The following UBE2V2 variants were observed in gnomAD, a reference collection of about 807,000 sequenced individuals.
The protein encoded by UBE2V2 is ubiquitin-conjugating enzyme E2 variant 2.
UBE2V2 carries 9 observed loss-of-function variants against 17.2 expected under a neutral mutation model. The observed-to-expected ratio is 0.52, with a 90% CI of 0.32 to 0.91. The LOEUF (loss-of-function observed/expected upper bound fraction) is 0.91. Ranked by LOEUF, UBE2V2 falls within the 40% of genes least tolerant of loss-of-function variation. UBE2V2 has a pLI of 0.04. For missense variants in UBE2V2, 133 were observed against 182.6 expected (o/e 0.73, Z 1.56); for synonymous variants, 61 against 57.5 (o/e 1.06, Z -0.28).
At chr8:48,033,432 T>C (rs1159538739) in intron 1 of UBE2V2, among the ~76,000 whole-genome samples, 2 of 151,892 alleles carry the variant, frequency 1.3e-5, no homozygotes, top group Admixed American at 1.3e-4. Context: ...GTAATCCTCC[T>C]GCCTTGGCCT....
intron 1 of UBE2V2, among the ~76,000 whole-genome samples, chr8:48,034,369 C>T (rs2091406296): frequency 6.6e-6 from 1 of 152,176 alleles, no homozygotes; most frequent in Non-Finnish European, 1.5e-5. Context: ...TTGTGATCCC[C>T]CTGCCTTGGC....
intron 2 of UBE2V2, among the ~76,000 whole-genome samples, chr8:48,045,852 C>A (rs765268924): frequency 1.3e-5 from 2 of 152,166 alleles, no homozygotes; most frequent in Non-Finnish European, 2.9e-5. Flanking sequence ...TGGTATCTTA[C>A]CACAGTTGTT....
intron 1 of UBE2V2, among the ~76,000 whole-genome samples, chr8:48,023,646 A>C (rs1425115742): frequency 6.6e-6 from 1 of 151,866 alleles, no homozygotes; most frequent in African/African-American, 2.4e-5. Flanking sequence ...CCAAGGCAGG[A>C]GGATCACTTG....
chr8:48,013,431 C>T (rs1205055177), intron 1 of UBE2V2, among the ~76,000 whole-genome samples: 4 of 152,094 alleles, frequency 2.6e-5, no homozygotes, highest in South Asian at 2.1e-4. Flanking sequence ...CCTCAGCCTC[C>T]GAAGTAGCTG....
chr8:48,014,783 G>A (rs1444765759), intron 1 of UBE2V2, among the ~76,000 whole-genome samples: 1 of 151,650 alleles, frequency 6.6e-6, no homozygotes, highest in East Asian at 1.9e-4. Flanking sequence ...GGGCGTGGTG[G>A]CTCACGCCCG....
intron 1 of UBE2V2, among the ~76,000 whole-genome samples, chr8:48,027,690 G>A (rs893111306): frequency 6.6e-6 from 1 of 151,952 alleles, no homozygotes; most frequent in Non-Finnish European, 1.5e-5. Context: ...AGTAGAGATG[G>A]TGTTTCACCA....
At position 48,061,402 on chromosome 8, in the gene UBE2V2, G is replaced by T. The variant is rs1802589543; in HGVS notation, c.*574G>T. On this transcript the variant is annotated 3_prime_UTR_variant, in exon 4 of 4. Transcript: ENST00000523111. ...TGAATTCCTGTTAAAAGCTGTTCTT[G>T]TGTGTTACATGTAACAGACATGGTA... The T allele has an allele frequency of 6.6e-6, 1 of 152,590 alleles. No homozygotes were observed. The highest frequency in any genetic ancestry group is 1.5e-5 in the Non-Finnish European group (1 of 68,016). 9.5% of individuals were successfully genotyped at this position (152,590 alleles called of 1,614,324 possible).
At chr8:48,044,484 A>G (rs1320481539) in intron 2 of UBE2V2, among the ~76,000 whole-genome samples, 2 of 152,170 alleles carry the variant, frequency 1.3e-5, no homozygotes, top group African/African-American at 4.8e-5. Context: ...TGTATCAGGT[A>G]ATTAGCAACA....
intron 1 of UBE2V2, chr8:48,034,798 A>C (rs1273995366): frequency 6.6e-6 from 1 of 152,564 alleles, no homozygotes; most frequent in South Asian, 2.1e-4. Flanking sequence ...TGTGGCTTCA[A>C]ACGATGATTG....
In UBE2V2 at chr8:48,043,201, T is replaced by A. The variant is rs775199127; in HGVS notation, c.165+20T>A. 3.5e-6 allele frequency: 5 copies of A among 1,434,862 alleles called. No individual in the cohort carries two copies. Among genetic ancestry groups the A allele is most frequent in the Non-Finnish European group, 3.7e-6 (4 of 1,084,382 alleles). The allele number at this position is 1,434,862 out of a possible 1,614,324, so 88.9% of individuals were successfully genotyped here. ...CCAAGGGTCAGTGTTATAAATTATA[T>A]TTTTTCTATTAATACTTATTGTTAA... On this transcript the variant is annotated intron_variant, in intron 2 of 3. Coordinates refer to ENST00000523111, the MANE Select transcript of UBE2V2 (RefSeq NM_003350.3).
chr8:48,055,389 C>T (rs745925766), intron 3 of UBE2V2, among the ~76,000 whole-genome samples: 11 of 151,576 alleles, frequency 7.3e-5, no homozygotes, highest in East Asian at 1.9e-4. Context: ...TTAGTAGAGA[C>T]GGGGTTTCAC....
chr8:48,012,808 A>G (rs1716809318), intron 1 of UBE2V2, among the ~76,000 whole-genome samples: 1 of 152,154 alleles, frequency 6.6e-6, no homozygotes, highest in Admixed American at 6.6e-5. Flanking sequence ...TAGTACAGAA[A>G]GTTTCCATGC....
rs71225699 is a variant in UBE2V2 at position 48,040,844 on chromosome 8, GTTTTTTTTT to G, written c.17-2175_17-2167del. Among the ~76,000 whole-genome samples the G allele has an allele frequency of 8.9e-4, 66 of 74,130 alleles. 1 individual carries two copies. The South Asian group carries it at 0.017, about 19-fold the overall frequency. The allele number at this position is 74,130 out of a possible 152,430, so 48.6% of individuals were successfully genotyped here. On this transcript the variant is annotated intron_variant, in intron 1 of 3. Coordinates refer to ENST00000523111, the MANE Select transcript of UBE2V2 (RefSeq NM_003350.3). ...GGTTTCATCATGTTGGCCAGGCTGG[GTTTTTTTTT>G]TTTTTTTTTTTTTGTGTGTGTGTGT...
chr8:48,050,103 C>G (rs1444678554), intron 3 of UBE2V2, 125 bp downstream of exon 3: 25 of 696,690 alleles, frequency 3.6e-5, no homozygotes, highest in Non-Finnish European at 5.2e-5. Flanking sequence ...TAAAAGAGGA[C>G]CTTTGTTAAG....
At chr8:48,005,947 C>T (rs2091180217), upstream of UBE2V2, among the ~76,000 whole-genome samples, 1 of 152,192 alleles carries the variant, frequency 6.6e-6, no homozygotes, top group African/African-American at 2.4e-5. Context: ...CAAAAATTTT[C>T]TCCCATTCTA....
At chr8:48,017,027 G>A (rs1385936690) in intron 1 of UBE2V2, among the ~76,000 whole-genome samples, 2 of 151,962 alleles carry the variant, frequency 1.3e-5, no homozygotes, top group Non-Finnish European at 2.9e-5. Flanking sequence ...CCGACCTCAG[G>A]TGATCCACCT....
chr8:48,058,608 G>T (rs1387483531), intron 3 of UBE2V2, among the ~76,000 whole-genome samples: 2 of 150,900 alleles, frequency 1.3e-5, no homozygotes, highest in Admixed American at 6.6e-5. Flanking sequence ...TATAAAAAGT[G>T]ATGAGAATGG....
chr8:48,025,740 T>C (rs1164500851), intron 1 of UBE2V2, among the ~76,000 whole-genome samples: 7 of 151,956 alleles, frequency 4.6e-5, no homozygotes, highest in South Asian at 2.1e-4. Context: ...GCTGGGACTA[T>C]AGGCACCCGC....
chr8:48,036,661 T>C (rs1250864316), intron 1 of UBE2V2, among the ~76,000 whole-genome samples: 1 of 150,978 alleles, frequency 6.6e-6, no homozygotes, highest in Admixed American at 6.6e-5. Flanking sequence ...GGTCTTAAAC[T>C]CCTGACCTTG....
Sources: allele counts gnomAD v4.1 joint callset (sites outside exome capture counted in the v4.1 genomes callset), GRCh38; gene constraint gnomAD v4.1.1; transcripts MANE v1.5; gene names NCBI Gene and HGNC (gene_info 2026-07-23, HGNC 2026-07-21).